PTPRC: variants seen among roughly 807,000 people sequenced by gnomAD.
PTPRC encodes receptor-type tyrosine-protein phosphatase C.
A neutral mutation model predicts 155.9 loss-of-function variants in PTPRC; 44 were observed. That is an observed-to-expected ratio of 0.28 (90% CI 0.22 to 0.36). The LOEUF is 0.36. PTPRC is among the 10% of genes least tolerant of loss of function. The pLI is 1.00. For missense variants in PTPRC, 1,401 were observed against 1,564.6 expected (o/e 0.90, Z 1.76); for synonymous variants, 525 against 533.1 (o/e 0.98, Z 0.21).
intron 10 of PTPRC, among the ~76,000 whole-genome samples, chr1:198,708,819 G>A (rs1279406761): frequency 6.6e-6 from 1 of 152,192 alleles, no homozygotes; most frequent in Non-Finnish European, 1.5e-5. Flanking sequence ...TTTTTAAAGT[G>A]TATTTGAATT....
At chr1:198,695,864 A>T (rs561350710) in intron 3 of PTPRC, among the ~76,000 whole-genome samples, 7 of 152,158 alleles carry the variant, frequency 4.6e-5, no homozygotes, top group Admixed American at 4.6e-4. Context: ...TTTATTTTTT[A>T]AAAAATCCAT....
At chr1:198,687,261 C>T (rs566577484) in intron 2 of PTPRC, among the ~76,000 whole-genome samples, 23 of 152,290 alleles carry the variant, frequency 1.5e-4, no homozygotes, top group South Asian at 1.2e-3. Flanking sequence ...TCTGGGATTA[C>T]AGGTGTGAAC....
Position 198,665,079 on chromosome 1 carries a change from C to CCTTTTTTTTTTTTTTT in PTPRC, c.73+25738_73+25739insCTTTTTTTTTTTTTTT, listed in dbSNP as rs1557979011. Among the ~76,000 whole-genome samples, 3 of 102,244 alleles carry CCTTTTTTTTTTTTTTT rather than the reference C, an allele frequency of 2.9e-5. 1 individual carries two copies. Among genetic ancestry groups the CCTTTTTTTTTTTTTTT allele is most frequent in the African/African-American group, 7.1e-5 (2 of 28,170 alleles). The allele number at this position is 102,244 out of a possible 152,430, so 67.1% of individuals were successfully genotyped here. On this transcript the variant is annotated intron_variant, in intron 2 of 32. Transcript: ENST00000442510. ...GAGTGTTTTTAGAACATCCCGGCAG[C>CCTTTTTTTTTTTTTTT]ATTTTTTTTTTTTTTTTTTTTTTTT... is the stretch of plus-strand genomic sequence containing the variant.
At position 198,735,160 on chromosome 1, in the gene PTPRC, G is replaced by A; in HGVS notation, c.2311G>A (p.Glu771Lys). The A allele has an allele frequency of 6.2e-7, 1 of 1,603,864 alleles. No individual in the cohort carries two copies. The highest frequency in any genetic ancestry group is 8.5e-7 in the Non-Finnish European group (1 of 1,173,848). Residue 771 changes from glutamate (E) to lysine (K), a missense_variant, in exon 23 of 33, where the codon GAG becomes AAG. By Grantham distance (56) the Glu-to-Lys change is moderately conservative. This residue lies in a region of PTPRC where 867 missense variants were observed against 970.4 expected (regional missense o/e 0.89). Transcript: ENST00000442510. ...TGCAGAATACTGGCCGTCAATGGAA[G>A]AGGGCACTCGGGCTTTTGGAGATGT... ...KCAEYWPSME[E>K]GTRAFGDVVV...
Position 198,694,489 on chromosome 1 carries a change from T to C in PTPRC, c.100+2116T>C, listed in dbSNP as rs906950363. 4 of 1,002,888 alleles carry C rather than the reference T, an allele frequency of 4.0e-6. No individual in the cohort carries two copies. In the African/African-American group the frequency reaches 6.9e-5, roughly 17 times the overall value. 62.1% of individuals were successfully genotyped at this position (1,002,888 alleles called of 1,614,324 possible). A position where few individuals can be genotyped will look rare whatever the true frequency, so the allele number is the denominator to read the frequency against. On this transcript the variant is annotated intron_variant, in intron 3 of 32. Coordinates refer to ENST00000442510, the MANE Select transcript of PTPRC (RefSeq NM_002838.5). The stretch of plus-strand genomic sequence containing the variant: ...ATCAAATACTATTATAAGGAGAATG[T>C]TGCATGATTTTCCTTCTAGTCTGTT...
intron 32 of PTPRC, 122 bp downstream of exon 32, chr1:198,754,526 T>C: frequency 2.6e-6 from 3 of 1,168,462 alleles, no homozygotes; most frequent in Non-Finnish European, 3.7e-6. Context: ...TTTCCTTTTC[T>C]CTTCTCTATT....
chr1:198,714,892 AAG>A (rs576177694), intron 12 of PTPRC, among the ~76,000 whole-genome samples: 2 of 152,006 alleles, frequency 1.3e-5, no homozygotes, highest in Admixed American at 6.6e-5. Context: ...GTGTCTCTAA[AAG>A]AGAGGGATTA....
intron 2 of PTPRC, among the ~76,000 whole-genome samples, chr1:198,691,963 G>C (rs995927376): frequency 6.6e-6 from 1 of 151,962 alleles, no homozygotes. Context: ...CTAGCATGTG[G>C]CATAATGTCT....
At chr1:198,738,175 T>A (rs1255775093) in intron 23 of PTPRC, among the ~76,000 whole-genome samples, 1 of 151,790 alleles carries the variant, frequency 6.6e-6, no homozygotes, top group Non-Finnish European at 1.5e-5. Flanking sequence ...TGGCTCTAGC[T>A]GGGACTTCCA....
At chr1:198,670,379 T>G (rs116395185) in intron 2 of PTPRC, among the ~76,000 whole-genome samples, 1 of 152,094 alleles carries the variant, frequency 6.6e-6, no homozygotes, top group Non-Finnish European at 1.5e-5. Context: ...ATTTTAAAGA[T>G]TTGTGATAAA....
chr1:198,678,457 G>A (rs1665085786), intron 2 of PTPRC, among the ~76,000 whole-genome samples: 1 of 152,182 alleles, frequency 6.6e-6, no homozygotes, highest in Non-Finnish European at 1.5e-5. Flanking sequence ...AACAACCACA[G>A]TTGTAAGGAT....
At chr1:198,696,682 G>A in intron 3 of PTPRC, 30 bp from the exon 4 acceptor site, 1 of 1,565,622 alleles carries the variant, frequency 6.4e-7, no homozygotes, top group South Asian at 1.1e-5. Context: ...TATTTATTTT[G>A]TCCTTCTCCC....
Position 198,692,381 on chromosome 1 carries a change from T to C in PTPRC, c.100+8T>C, listed in dbSNP as rs959402810. ...CAACACCTTCCCCCACTGGTAAGAA[T>C]TAATATTTATATTTTTACTAATTTT... is the stretch of plus-strand genomic sequence containing the variant. On this transcript the variant is annotated splice_region_variant and intron_variant, in intron 3 of 32. Coordinates refer to ENST00000442510, the MANE Select transcript of PTPRC (RefSeq NM_002838.5). The C allele has an allele frequency of 1.4e-6, 2 of 1,441,750 alleles. No individual in the cohort carries two copies. The highest frequency in any genetic ancestry group is 5.3e-5 in the East Asian group (2 of 37,736). The allele number at this position is 1,441,750 out of a possible 1,614,324, so 89.3% of individuals were successfully genotyped here. A position where few individuals can be genotyped will look rare whatever the true frequency, so the allele number is the denominator to read the frequency against.
intron 29 of PTPRC, among the ~76,000 whole-genome samples, chr1:198,751,401 C>A (rs1484214839): frequency 6.6e-6 from 1 of 151,990 alleles, no homozygotes; most frequent in African/African-American, 2.4e-5. Context: ...TATGTTCAAG[C>A]CTATTCAGTG....
intron 23 of PTPRC, among the ~76,000 whole-genome samples, chr1:198,741,605 CCTTA>C (rs1654903449): frequency 6.6e-6 from 1 of 151,714 alleles, no homozygotes. Context: ...GAAAGTATTA[CCTTA>C]CTTACCTTAC....
chr1:198,755,255 T>C (rs1347128987), intron 32 of PTPRC, among the ~76,000 whole-genome samples: 3 of 152,106 alleles, frequency 2.0e-5, no homozygotes, highest in Non-Finnish European at 4.4e-5. Context: ...CTATCGTGTA[T>C]ACCCTCTATG....
chr1:198,686,358 C>T (rs1284765229), intron 2 of PTPRC, among the ~76,000 whole-genome samples: 1 of 151,854 alleles, frequency 6.6e-6, no homozygotes, highest in African/African-American at 2.4e-5. Flanking sequence ...ACTCCTTTGA[C>T]TAAATAATGA....
intron 11 of PTPRC, among the ~76,000 whole-genome samples, chr1:198,711,841 A>G (rs1411433504): frequency 6.6e-6 from 1 of 152,190 alleles, no homozygotes; most frequent in African/African-American, 2.4e-5. Flanking sequence ...GAGGATACAC[A>G]GGTGGTTAAT....
intron 2 of PTPRC, among the ~76,000 whole-genome samples, chr1:198,647,164 C>G (rs1445598015): frequency 6.6e-6 from 1 of 151,832 alleles, no homozygotes; most frequent in African/African-American, 2.4e-5. Flanking sequence ...TCTAGACAGC[C>G]CCTATCCCAC....
Sources: allele counts gnomAD v4.1 joint callset (sites outside exome capture counted in the v4.1 genomes callset), GRCh38; gene constraint gnomAD v4.1.1; regional missense constraint gnomAD v4.1.1; transcripts MANE v1.5; gene names NCBI Gene and HGNC (gene_info 2026-07-23, HGNC 2026-07-21).